ERAP1: variants seen among roughly 807,000 people sequenced by gnomAD.
ERAP1 encodes adipocyte-derived leucine aminopeptidase.
A neutral mutation model predicts 103.7 loss-of-function variants in ERAP1; 86 were observed. That is an observed-to-expected ratio of 0.83 (90% CI 0.70 to 0.99). The LOEUF (loss-of-function observed/expected upper bound fraction) is 0.99, where lower values mean the gene tolerates loss of function less well. ERAP1 is among the 50% of genes least tolerant of loss of function. The pLI is 0.00. For synonymous variants in ERAP1, 398 were observed against 402.4 expected, an observed-to-expected ratio of 0.99 and a Z score of 0.13; for missense variants, 1,009 against 1,128.4, an observed-to-expected ratio of 0.89 and a Z score of 1.52.
chr5:96,815,610 T>A, the ERAP1 span, among the ~76,000 whole-genome samples: 1 of 151,958 alleles, frequency 6.6e-6, no homozygotes, highest in African/African-American at 2.4e-5. Context: ...TGGGGTTTCT[T>A]CGTGTTGGTC....
At chr5:96,794,088 C>T (rs1777043275) in intron 5 of ERAP1, 131 bp from the exon 6 acceptor site, 3 of 842,900 alleles carry the variant, frequency 3.6e-6, no homozygotes, top group Non-Finnish European at 5.8e-6. Flanking sequence ...ACTGGAAGAA[C>T]CTTTCACAAT....
Position 96,803,690 on chromosome 5 carries a change from G to T in ERAP1, c.237C>A (p.Thr79=). Residue 79 remains threonine, a synonymous_variant, in exon 2 of 19, where the codon ACC becomes ACA. Transcript: ENST00000443439. ...ANLTTLTFWG[T]TKVEITASQP... ...GACTGGCTGTGATTTCTACTTTCGTGGTTCCCCAGAAGGTCAGCGTGGTAA... is the reference window on the plus strand; with the variant it reads ...GACTGGCTGTGATTTCTACTTTCGTTGTTCCCCAGAAGGTCAGCGTGGTAA... 6.2e-7 allele frequency: 1 copy of T among 1,614,204 alleles called. No homozygotes were observed. The highest frequency in any genetic ancestry group is 1.3e-5 in the African/African-American group (1 of 75,044).
the ERAP1 span, among the ~76,000 whole-genome samples, chr5:96,860,337 A>AG: frequency 6.6e-6 from 1 of 152,186 alleles, no homozygotes; most frequent in Non-Finnish European, 1.5e-5. Context: ...TACAAGTGTG[A>AG]GCCACTACAC....
chr5:96,806,623 CTTTTTTTTTT>C (rs75649816), intron 1 of ERAP1, among the ~76,000 whole-genome samples: 12 of 128,016 alleles, frequency 9.4e-5, no homozygotes, highest in African/African-American at 2.7e-4. Flanking sequence ...CAAGATCCCT[CTTTTTTTTTT>C]TTTTTTTTTT....
chr5:96,881,713 C>A, the ERAP1 span, among the ~76,000 whole-genome samples: 1 of 152,110 alleles, frequency 6.6e-6, no homozygotes, highest in African/African-American at 2.4e-5. Context: ...CTAATACTTG[C>A]AAGATGATTG....
chr5:96,934,062 A>G, the ERAP1 span: 1 of 152,234 alleles, frequency 6.6e-6, no homozygotes, highest in Non-Finnish European at 1.5e-5. Flanking sequence ...GTGGAAGTGA[A>G]CTCTAAACAC....
chr5:96,807,688 C>T (rs1458564512), intron 1 of ERAP1, among the ~76,000 whole-genome samples, 172 bp downstream of exon 1: 3 of 149,278 alleles, frequency 2.0e-5, no homozygotes, highest in Admixed American at 1.3e-4. Flanking sequence ...TCGCCTTCCT[C>T]CCGCGCCCCG....
chr5:96,814,402 G>A, the ERAP1 span: 1 of 448,218 alleles, frequency 2.2e-6, no homozygotes, highest in South Asian at 1.6e-5. Context: ...TAATGTTACT[G>A]CACATTGAAG....
At chr5:96,854,553 A>G in the ERAP1 span, among the ~76,000 whole-genome samples, 1 of 152,204 alleles carries the variant, frequency 6.6e-6, no homozygotes, top group Non-Finnish European at 1.5e-5. Context: ...GTGTCCCCAG[A>G]AAACTTCACA....
chr5:96,800,788 T>C, intron 3 of ERAP1, 74 bp downstream of exon 3: 3 of 1,519,728 alleles, frequency 2.0e-6, no homozygotes, highest in Non-Finnish European at 2.7e-6. Context: ...CAATGTTGAC[T>C]GTCACTGGGC....
At chr5:96,765,904 C>G in intron 19 of ERAP1, 1 of 525,050 alleles carries the variant, frequency 1.9e-6, no homozygotes, top group Non-Finnish European at 3.4e-6. Flanking sequence ...TTGAAGTCAT[C>G]TGTGTTGTTC....
intron 10 of ERAP1, 64 bp from the exon 11 acceptor site, chr5:96,788,749 C>A (rs570522130): frequency 6.3e-7 from 1 of 1,581,156 alleles, no homozygotes; most frequent in South Asian, 1.1e-5. Context: ...AAAGAGAGAA[C>A]ACCAGCTTAT....
chr5:96,786,841 C>A, intron 11 of ERAP1: 1 of 365,284 alleles, frequency 2.7e-6, no homozygotes, highest in Non-Finnish European at 5.2e-6. Flanking sequence ...GGCCTAACTT[C>A]AGGACTCATG....
At chr5:96,821,160 C>A in the ERAP1 span, among the ~76,000 whole-genome samples, 1 of 152,136 alleles carries the variant, frequency 6.6e-6, no homozygotes, top group South Asian at 2.1e-4. Flanking sequence ...GTACCTCAAT[C>A]TTTTCTCTTA....
chr5:96,925,674 T>A, the ERAP1 span, among the ~76,000 whole-genome samples: 1 of 152,188 alleles, frequency 6.6e-6, no homozygotes, highest in South Asian at 2.1e-4. Context: ...GTCACCACAG[T>A]TTGGACTTCC....
At chr5:96,879,710 A>G in the ERAP1 span, 1 of 1,614,072 alleles carries the variant, frequency 6.2e-7, no homozygotes. Flanking sequence ...TGCAATGGTT[A>G]ATTCACACAG....
the ERAP1 span, among the ~76,000 whole-genome samples, chr5:96,926,096 G>C: frequency 6.6e-6 from 1 of 152,032 alleles, no homozygotes; most frequent in African/African-American, 2.4e-5. Flanking sequence ...ATTTTTAGTA[G>C]AGATGGGGTT....
At chr5:96,888,041 C>T in the ERAP1 span, among the ~76,000 whole-genome samples, 2 of 151,558 alleles carry the variant, frequency 1.3e-5, no homozygotes, top group African/African-American at 4.9e-5. Flanking sequence ...AGGAGAATCG[C>T]TTGAACCCGG....
At chr5:96,864,310 C>A in the ERAP1 span, among the ~76,000 whole-genome samples, 2 of 152,184 alleles carry the variant, frequency 1.3e-5, no homozygotes, top group South Asian at 4.1e-4. Flanking sequence ...TTAACTTGTG[C>A]TAAATATGTC....
Sources: gnomAD v4.1 joint callset for allele counts (sites outside exome capture counted in the v4.1 genomes callset) on GRCh38, gnomAD v4.1.1 for gene constraint, MANE v1.5 for transcripts, NCBI Gene and HGNC (gene_info 2026-07-23, HGNC 2026-07-21) for gene names.